The following KCNIP4 variants were observed in gnomAD, a reference collection of about 807,000 sequenced individuals.
The protein encoded by KCNIP4 is Kv channel-interacting protein 4.
In KCNIP4, 12 loss-of-function variants were observed where a neutral mutation model predicts 34.0. The observed-to-expected ratio is 0.35, with a 90% CI of 0.23 to 0.57. KCNIP4 has a LOEUF of 0.57. Ranked by LOEUF, KCNIP4 falls within the 20% of genes least tolerant of loss-of-function variation. The pLI is 0.83. For missense variants in KCNIP4, 238 were observed against 311.7 expected, an observed-to-expected ratio of 0.76 and a Z score of 1.78; for synonymous variants, 124 against 102.2, an observed-to-expected ratio of 1.21 and a Z score of -1.29.
At chr4:21,391,049 T>C (rs1722513748) in intron 1 of KCNIP4, among the ~76,000 whole-genome samples, 1 of 152,174 alleles carries the variant, frequency 6.6e-6, no homozygotes, top group Non-Finnish European at 1.5e-5. Flanking sequence ...TTTATTTTCA[T>C]TTTCTTGACA....
intron 1 of KCNIP4, among the ~76,000 whole-genome samples, chr4:21,409,310 G>A (rs528147209): frequency 5.3e-5 from 8 of 151,728 alleles, no homozygotes; most frequent in Non-Finnish European, 1.2e-4. Context: ...AGAGGCAGGG[G>A]TCTCACTATG....
At chr4:21,776,285 A>C (rs1345319258) in intron 1 of KCNIP4, among the ~76,000 whole-genome samples, 1 of 151,674 alleles carries the variant, frequency 6.6e-6, no homozygotes, top group Non-Finnish European at 1.5e-5. Context: ...TTGATGAGAA[A>C]ACCTGGATAC....
chr4:21,521,396 C>T (rs1192298023), intron 1 of KCNIP4, among the ~76,000 whole-genome samples: 1 of 152,106 alleles, frequency 6.6e-6, no homozygotes, highest in East Asian at 1.9e-4. Flanking sequence ...CATGAACGGA[C>T]TTAACACACA....
At chr4:21,720,530 CTTTT>C (rs71191598) in intron 1 of KCNIP4, among the ~76,000 whole-genome samples, 4 of 140,356 alleles carry the variant, frequency 2.8e-5, no homozygotes, top group South Asian at 2.2e-4. Context: ...TGTTTTTTTT[CTTTT>C]TTTTTTTTTC....
chr4:21,315,574 G>A (rs534696526), intron 1 of KCNIP4, among the ~76,000 whole-genome samples: 1 of 152,170 alleles, frequency 6.6e-6, no homozygotes, highest in South Asian at 2.1e-4. Context: ...ATTATTTAAA[G>A]GTCAACTGCC....
intron 1 of KCNIP4, among the ~76,000 whole-genome samples, chr4:21,261,546 A>T (rs1003768170): frequency 6.6e-6 from 1 of 152,150 alleles, no homozygotes; most frequent in East Asian, 1.9e-4. Flanking sequence ...TGGCATGAAG[A>T]TTATTTATTA....
At chr4:21,241,200 T>C (rs1560207025) in intron 1 of KCNIP4, among the ~76,000 whole-genome samples, 1 of 152,196 alleles carries the variant, frequency 6.6e-6, no homozygotes. Flanking sequence ...TCAAATTGTA[T>C]GTTTGTTCAC....
intron 1 of KCNIP4, among the ~76,000 whole-genome samples, chr4:21,370,298 G>A (rs1372248432): frequency 1.4e-5 from 2 of 147,026 alleles, no homozygotes; most frequent in Non-Finnish European, 2.9e-5. Flanking sequence ...TAGAAAATAT[G>A]AGGTGATTCA....
intron 1 of KCNIP4, among the ~76,000 whole-genome samples, chr4:21,705,087 A>C (rs1713162652): frequency 6.6e-6 from 1 of 152,198 alleles, no homozygotes; most frequent in African/African-American, 2.4e-5. Context: ...CAAGGGAATT[A>C]CACAGAGTGA....
chr4:21,175,158 T>C (rs773622378), intron 1 of KCNIP4, among the ~76,000 whole-genome samples: 2 of 152,088 alleles, frequency 1.3e-5, no homozygotes, highest in Non-Finnish European at 2.9e-5. Flanking sequence ...AACTCTGCAA[T>C]TGTAAATTAT....
At chr4:21,291,745 T>C (rs535799379) in intron 1 of KCNIP4, among the ~76,000 whole-genome samples, 1 of 149,082 alleles carries the variant, frequency 6.7e-6, no homozygotes, top group African/African-American at 2.5e-5. Context: ...TCCCAGCTAC[T>C]CGGGAGGCTG....
chr4:21,136,752 C>T (rs1181795845), intron 1 of KCNIP4, among the ~76,000 whole-genome samples: 4 of 152,140 alleles, frequency 2.6e-5, no homozygotes, highest in African/African-American at 9.7e-5. Context: ...ATTCTACAGA[C>T]AAAGCAGTGT....
intron 1 of KCNIP4, among the ~76,000 whole-genome samples, chr4:21,266,448 T>G (rs1045624331): frequency 6.6e-6 from 1 of 152,122 alleles, no homozygotes; most frequent in Admixed American, 6.6e-5. Flanking sequence ...GACTGTCAAT[T>G]TGATAGCAGT....
chr4:20,906,437 G>A (rs1294280778), intron 1 of KCNIP4, among the ~76,000 whole-genome samples: 5 of 152,136 alleles, frequency 3.3e-5, no homozygotes, highest in South Asian at 2.1e-4. Context: ...TAGTTCTAAC[G>A]AAAAAGCCCA....
At chr4:20,898,105 G>A (rs1045172419) in intron 1 of KCNIP4, among the ~76,000 whole-genome samples, 6 of 151,944 alleles carry the variant, frequency 3.9e-5, no homozygotes, top group African/African-American at 1.4e-4. Context: ...CCTCAGCTGG[G>A]GCTTCCATCT....
At chr4:21,108,055 C>T (rs182823229) in intron 1 of KCNIP4, among the ~76,000 whole-genome samples, 19,859 of 149,770 alleles carry the variant, frequency 0.13, 1,485 homozygotes, top group South Asian at 0.18. Context: ...ATTTCAACTT[C>T]AGTGAATCTG....
intron 1 of KCNIP4, among the ~76,000 whole-genome samples, chr4:21,321,420 G>C (rs1714401224): frequency 6.6e-6 from 1 of 152,144 alleles, no homozygotes; most frequent in Non-Finnish European, 1.5e-5. Flanking sequence ...AGAATCTACA[G>C]ATATTGGGAA....
intron 1 of KCNIP4, among the ~76,000 whole-genome samples, chr4:21,520,411 G>T (rs1735425230): frequency 6.6e-6 from 1 of 152,132 alleles, no homozygotes; most frequent in Admixed American, 6.6e-5. Context: ...TGTTATAGTA[G>T]CCAGAATTGA....
chr4:20,945,721 C>T (rs748582255), intron 1 of KCNIP4, among the ~76,000 whole-genome samples: 21 of 152,114 alleles, frequency 1.4e-4, no homozygotes, highest in Non-Finnish European at 2.1e-4. Flanking sequence ...CTCTAACTCT[C>T]AAAACGGTTC....
Sources: gnomAD v4.1 joint callset for allele counts (sites outside exome capture counted in the v4.1 genomes callset) on GRCh38, gnomAD v4.1.1 for gene constraint, MANE v1.5 for transcripts, NCBI Gene and HGNC (gene_info 2026-07-23, HGNC 2026-07-21) for gene names.